Variants in SOX5 observed in about 807,000 individuals in gnomAD.
SOX5 encodes the protein SRY-box transcription factor 5.
A neutral mutation model predicts 92.0 loss-of-function variants in SOX5; 9 were observed. The observed-to-expected ratio is 0.10, with a 90% confidence interval of 0.06 to 0.17. SOX5 has a LOEUF of 0.17. Ranked by LOEUF, SOX5 falls within the 10% of genes least tolerant of loss-of-function variation. The pLI is 1.00. For synonymous variants in SOX5, 344 were observed against 336.3 expected (o/e 1.02, Z -0.25); for missense variants, 642 against 944.5 (o/e 0.68, Z 4.20).
chr12:23,830,762 A>T (rs2096303689), intron 3 of SOX5, among the ~76,000 whole-genome samples: 1 of 152,184 alleles, frequency 6.6e-6, no homozygotes, highest in African/African-American at 2.4e-5. Flanking sequence ...AATAGTAATT[A>T]AAAAGTTGGT....
At chr12:24,018,396 T>C (rs1360589675) in intron 4 of SOX5, among the ~76,000 whole-genome samples, 2 of 152,202 alleles carry the variant, frequency 1.3e-5, no homozygotes, top group Admixed American at 1.3e-4. Flanking sequence ...GGTTTCAAAG[T>C]CCTAATTGTG....
chr12:23,844,274 T>C (rs2096551122), intron 3 of SOX5, among the ~76,000 whole-genome samples: 2 of 152,200 alleles, frequency 1.3e-5, no homozygotes, highest in Non-Finnish European at 2.9e-5. Context: ...AAATTCAAAA[T>C]CCGAAGTATG....
At chr12:23,556,079 G>A (rs1945123795) in intron 11 of SOX5, among the ~76,000 whole-genome samples, 1 of 152,078 alleles carries the variant, frequency 6.6e-6, no homozygotes, top group Admixed American at 6.6e-5. Flanking sequence ...GCTGCTCTGT[G>A]CTGATAATAT....
intron 1 of SOX5, among the ~76,000 whole-genome samples, chr12:24,535,858 T>C (rs1410820709): frequency 6.6e-6 from 1 of 152,160 alleles, no homozygotes; most frequent in Non-Finnish European, 1.5e-5. Flanking sequence ...TGGTCCCAGC[T>C]CCACTATAAG....
chr12:23,957,045 T>A (rs1241323843), intron 4 of SOX5, among the ~76,000 whole-genome samples: 1 of 152,176 alleles, frequency 6.6e-6, no homozygotes, highest in Non-Finnish European at 1.5e-5. Flanking sequence ...TTCTATAATC[T>A]CTTCTTTGAT....
intron 1 of SOX5, among the ~76,000 whole-genome samples, chr12:24,501,522 G>T (rs1232760606): frequency 1.3e-5 from 2 of 151,934 alleles, no homozygotes; most frequent in African/African-American, 2.4e-5. Flanking sequence ...CTTAAAAGTG[G>T]TATCAAAAAC....
intron 3 of SOX5, among the ~76,000 whole-genome samples, chr12:23,835,884 C>G (rs2096406801): frequency 6.6e-6 from 1 of 151,632 alleles, no homozygotes; most frequent in African/African-American, 2.4e-5. Flanking sequence ...GTTGCCTCAT[C>G]TGGAAATGGA....
chr12:24,481,474 A>T lies in SOX5; in HGVS notation c.-251+80855T>A, dbSNP rs1945990408. On this transcript the variant is annotated intron_variant, in intron 1 of 4. Coordinates refer to the SOX5 transcript ENST00000446891. ...AGTGCTTGAGGGGATGAATACCCCC[A>T]TTTTCCATGATGTGATTATTATGCA... 2.0e-5 allele frequency among the ~76,000 whole-genome samples: 3 copies of T among 152,284 alleles called. No individual in the cohort carries two copies. In the South Asian group the frequency reaches 6.2e-4, roughly 32 times the overall value.
intron 2 of SOX5, among the ~76,000 whole-genome samples, chr12:23,889,143 T>G (rs753696098): frequency 1.1e-4 from 17 of 152,204 alleles, no homozygotes; most frequent in Non-Finnish European, 2.2e-4. Context: ...TATAGGAGAA[T>G]GCTCTCCCTA....
intron 4 of SOX5, among the ~76,000 whole-genome samples, chr12:23,983,612 T>C (rs1569395080): frequency 6.6e-6 from 1 of 152,176 alleles, no homozygotes; most frequent in Admixed American, 6.6e-5. Flanking sequence ...CTTGAAAGCA[T>C]AAATCTAAAA....
At chr12:23,807,625 G>A (rs1037783055) in intron 3 of SOX5, among the ~76,000 whole-genome samples, 1 of 148,908 alleles carries the variant, frequency 6.7e-6, no homozygotes. Context: ...CTAGAACTGT[G>A]AAAGAACAGA....
chr12:24,243,309 G>A (rs919758334), intron 3 of SOX5, among the ~76,000 whole-genome samples: 5 of 152,020 alleles, frequency 3.3e-5, no homozygotes, highest in Admixed American at 3.3e-4. Context: ...AATCTGTAAA[G>A]TTGCATTTGT....
chr12:23,736,199 C>A (rs959493606), intron 5 of SOX5, among the ~76,000 whole-genome samples: 1 of 151,702 alleles, frequency 6.6e-6, no homozygotes, highest in East Asian at 1.9e-4. Context: ...TGGTGGCTCA[C>A]GCCTGTAATC....
chr12:24,240,295 G>C (rs1046916220), intron 3 of SOX5, among the ~76,000 whole-genome samples: 1 of 152,148 alleles, frequency 6.6e-6, no homozygotes, highest in African/African-American at 2.4e-5. Flanking sequence ...TCTCTACTCT[G>C]TCTGTTGTAA....
intron 3 of SOX5, among the ~76,000 whole-genome samples, chr12:24,232,380 T>G (rs1290648667): frequency 6.6e-6 from 1 of 152,168 alleles, no homozygotes; most frequent in Admixed American, 6.5e-5. Flanking sequence ...CAAAGAACAA[T>G]GACAGAGCCA....
At chr12:23,912,566 C>T (rs1160050702) in intron 1 of SOX5, among the ~76,000 whole-genome samples, 5 of 151,824 alleles carry the variant, frequency 3.3e-5, no homozygotes, top group African/African-American at 4.8e-5. Flanking sequence ...TTCATAATAG[C>T]GAAAAAGTGG....
chr12:24,245,763 T>C (rs1938575538), intron 3 of SOX5, among the ~76,000 whole-genome samples: 1 of 151,692 alleles, frequency 6.6e-6, no homozygotes, highest in African/African-American at 2.4e-5. Flanking sequence ...GGTAATAACA[T>C]AAAAGAAAGA....
At chr12:24,215,312 C>T (rs548530570) in intron 3 of SOX5, among the ~76,000 whole-genome samples, 1 of 151,978 alleles carries the variant, frequency 6.6e-6, no homozygotes. Flanking sequence ...GTATGATTAT[C>T]GCTATTTGTA....
chr12:24,553,866 A>G (rs1212778136), intron 1 of SOX5, among the ~76,000 whole-genome samples: 1 of 152,224 alleles, frequency 6.6e-6, no homozygotes, highest in African/African-American at 2.4e-5. Flanking sequence ...ATAGATCTCT[A>G]TCTGTTTGTT....
Sources: gnomAD v4.1 joint callset for allele counts (sites outside exome capture counted in the v4.1 genomes callset) on GRCh38, gnomAD v4.1.1 for gene constraint, MANE v1.5 for transcripts, NCBI Gene and HGNC (gene_info 2026-07-23, HGNC 2026-07-21) for gene names.